MAP3K10: variants seen among roughly 807,000 people sequenced by gnomAD.
The protein encoded by MAP3K10 is MKN28 derived nonreceptor_type serine/threonine kinase.
MAP3K10 carries 22 observed loss-of-function variants against 75.0 expected under a neutral mutation model. The ratio of observed to expected loss-of-function variants is 0.29; its 90% confidence interval spans 0.21 to 0.42. The LOEUF (loss-of-function observed/expected upper bound fraction) is 0.42. Among genes scored for constraint, MAP3K10 ranks in the 10% least tolerant of loss-of-function variants. The pLI, the probability that MAP3K10 is intolerant of heterozygous loss-of-function variation, is 1.00. For synonymous variants in MAP3K10, 599 were observed against 612.9 expected (o/e 0.98, Z 0.34); for missense variants, 1,165 against 1,379.8 (o/e 0.84, Z 2.47).
chr19:40,193,332 C>T (rs1343254544), intron 1 of MAP3K10, among the ~76,000 whole-genome samples: 1 of 152,226 alleles, frequency 6.6e-6, no homozygotes, highest in Non-Finnish European at 1.5e-5. Context: ...ATAGGCCGAG[C>T]TGGCCAAGGC....
chr19:40,205,018 G>T lies in MAP3K10; in HGVS notation c.1013-103G>T. The T allele has an allele frequency of 4.7e-6, 5 of 1,054,190 alleles. No individual in the cohort carries two copies. The highest frequency in any genetic ancestry group is 7.2e-6 in the Non-Finnish European group (5 of 693,456). The allele number at this position is 1,054,190 out of a possible 1,614,324, so 65.3% of individuals were successfully genotyped here. On this transcript the variant is annotated intron_variant, in intron 3 of 9. Transcript: ENST00000253055. The surrounding 1 kb of genome is among the most constrained non-coding windows in gnomAD (Gnocchi z 4.3). ...TCAGCTCCATAGCAGCTGTTTGTCT[G>T]CCATCCCCAGAAATTCTGCCTTCCT...
Position 40,214,035 on chromosome 19 carries a change from A to ACGCCCT in MAP3K10, c.2362_2367dup (p.Pro789_Ser790dup). On this transcript the variant is annotated inframe_insertion, in exon 9 of 10. Coordinates refer to ENST00000253055, the MANE Select transcript of MAP3K10 (RefSeq NM_002446.4). ...ACCCTCCCCGCCCGCGCCCACACCC[A>ACGCCCT]CGCCCTCGCCCAGCACCAACCCCCT... 9.9e-7 allele frequency: 1 copy of ACGCCCT among 1,011,186 alleles called. No homozygotes were observed. Among genetic ancestry groups the ACGCCCT allele is most frequent in the South Asian group, 1.8e-5 (1 of 55,916 alleles). The allele number at this position is 1,011,186 out of a possible 1,614,324, so 62.6% of individuals were successfully genotyped here.
chr19:40,205,238 A>C lies in MAP3K10; in HGVS notation c.1130A>C (p.Gln377Pro). The C allele has an allele frequency of 6.2e-7, 1 of 1,614,132 alleles. No homozygotes were observed. The highest frequency in any genetic ancestry group is 8.5e-7 in the Non-Finnish European group (1 of 1,180,014). Residue 377 changes from glutamine (Q) to proline (P), a missense_variant, in exon 4 of 10, where the codon CAG becomes CCG. Gln to Pro is a moderately conservative substitution (Grantham distance 76, BLOSUM62 -1). Around this residue, in one of 2 missense-constraint regions of MAP3K10, gnomAD observed 575 missense variants for 793.2 expected, o/e 0.72. Coordinates refer to ENST00000253055, the MANE Select transcript of MAP3K10 (RefSeq NM_002446.4). The surrounding 1 kb of genome is among the most constrained non-coding windows in gnomAD (Gnocchi z 4.3). ...CCACTGGAGTCCTTCCACTCGCTGC[A>C]GGAAGACTGGAAGCTGGAGATTCAG... ...QMPLESFHSLQEDWKLEIQHM... is the reference protein window; with the variant it reads ...QMPLESFHSLPEDWKLEIQHM...
At chr19:40,202,386 T>C (rs1160391992) in intron 2 of MAP3K10, among the ~76,000 whole-genome samples, 1 of 152,190 alleles carries the variant, frequency 6.6e-6, no homozygotes, top group Non-Finnish European at 1.5e-5. Flanking sequence ...CCTGTGCCTG[T>C]CTGCTGTGCT....
chr19:40,209,256 C>G (rs1326277934), intron 6 of MAP3K10, 37 bp downstream of exon 6: 1 of 1,538,310 alleles, frequency 6.5e-7, no homozygotes, highest in South Asian at 1.1e-5. Flanking sequence ...GTCAGTCAGT[C>G]AGTGAACAAA....
rs200643469 is a variant in MAP3K10, at chr19:40,215,206, G to A, written c.2779G>A (p.Val927Met). The A allele has an allele frequency of 2.0e-5, 32 of 1,578,984 alleles. No individual in the cohort carries two copies. Among genetic ancestry groups the A allele is most frequent in the Middle Eastern group, 1.7e-4 (1 of 6,050 alleles). Residue 927 changes from valine to methionine, a missense_variant, in exon 10 of 10, where the codon GTG (valine) becomes ATG (methionine). Physicochemically the swap from Val to Met is conservative, Grantham distance 21. Around this residue, in one of 2 missense-constraint regions of MAP3K10, gnomAD observed 590 missense variants for 586.6 expected, o/e 1.01. Coordinates refer to ENST00000253055, the MANE Select transcript of MAP3K10 (RefSeq NM_002446.4). ...TCCGGAGAGCCCTGGGCCCCCCAGC[G>A]TGCAGCCCACACTGCTGGACATGGA... ...DTPESPGPPS[V>M]QPTLLDMDME...
At position 40,215,493 on chromosome 19, in the gene MAP3K10, A is replaced by G; in HGVS notation, c.*201A>G. Reference sequence around the variant, plus strand: ...CCTGTGCCCACCCTGCACTGGGGGGAGGGTGGGCAGGGATACTCAGGGACA... The same window carrying G: ...CCTGTGCCCACCCTGCACTGGGGGGGGGGTGGGCAGGGATACTCAGGGACA... On this transcript the variant is annotated 3_prime_UTR_variant, in exon 10 of 10. Coordinates refer to ENST00000253055, the MANE Select transcript of MAP3K10 (RefSeq NM_002446.4). 1 of 486,586 alleles carries G rather than the reference A, an allele frequency of 2.1e-6. No homozygotes were observed. 30.1% of individuals were successfully genotyped at this position (486,586 alleles called of 1,614,324 possible).
Position 40,213,721 on chromosome 19 carries a change from TGCTGGGGGCTGTGG to T in MAP3K10, c.2045_2058del (p.Leu682ProfsTer14). ...CTGGCGCTGCTAGGCTGCGCCACGCTGCTGGGGGCTGTGGGCCTGGGCGCCGACGTGGCCGAGGC... is the reference window on the plus strand; with the variant it reads ...CTGGCGCTGCTAGGCTGCGCCACGCTGCCTGGGCGCCGACGTGGCCGAGGC... On this transcript the variant is annotated frameshift_variant, in exon 9 of 10. Coordinates refer to ENST00000253055, the MANE Select transcript of MAP3K10 (RefSeq NM_002446.4). LOFTEE classifies it high-confidence loss of function. This position sits in a 1 kb window ranked among gnomAD's most constrained non-coding sequence, Gnocchi z 5.7. The T allele has an allele frequency of 1.9e-6, 2 of 1,077,202 alleles. No homozygotes were observed. The highest frequency in any genetic ancestry group is 2.3e-6 in the Non-Finnish European group (2 of 888,060). 66.7% of individuals were successfully genotyped at this position (1,077,202 alleles called of 1,614,324 possible).
At position 40,192,691 on chromosome 19, in the gene MAP3K10, C is replaced by T; in HGVS notation, c.660C>T (p.His220=). Residue 220 remains histidine (H), a synonymous_variant, in exon 1 of 10, where the codon CAC becomes CAT. Transcript: ENST00000253055. This position sits in a 1 kb window ranked among gnomAD's most constrained non-coding sequence, Gnocchi z 7.1. ...LHNDAPVPII[H]RDLKSINILI... Reference sequence around the variant, plus strand: ...ATGATGCCCCTGTGCCCATCATCCACCGGGACCTCAAGTCCATCAACAGTA... The same window carrying T: ...ATGATGCCCCTGTGCCCATCATCCATCGGGACCTCAAGTCCATCAACAGTA... 1 of 1,544,984 alleles carries T rather than the reference C, an allele frequency of 6.5e-7. No individual in the cohort carries two copies. Among genetic ancestry groups the T allele is most frequent in the Non-Finnish European group, 8.7e-7 (1 of 1,144,686 alleles).
intron 1 of MAP3K10, among the ~76,000 whole-genome samples, chr19:40,197,239 G>A (rs1372281550): frequency 6.6e-6 from 1 of 152,148 alleles, no homozygotes; most frequent in Non-Finnish European, 1.5e-5. Flanking sequence ...CAAGGCCTGG[G>A]CTTGGAATTG....
chr19:40,197,723 G>A (rs895339858), intron 1 of MAP3K10, among the ~76,000 whole-genome samples: 5 of 152,180 alleles, frequency 3.3e-5, no homozygotes, highest in African/African-American at 4.8e-5. Context: ...GTGTGCCACG[G>A]GGGTGATAGA....
In MAP3K10 at chr19:40,213,661, C is replaced by G. The variant is rs1450194208; in HGVS notation, c.1982C>G (p.Ala661Gly). The G allele has an allele frequency of 8.8e-6, 11 of 1,245,014 alleles. No homozygotes were observed. The highest frequency in any genetic ancestry group is 1.1e-5 in the Non-Finnish European group (11 of 986,240). The allele number at this position is 1,245,014 out of a possible 1,614,324, so 77.1% of individuals were successfully genotyped here. A position where few individuals can be genotyped will look rare whatever the true frequency, so the allele number is the denominator to read the frequency against. The change falls in exon 9 of 10, where the codon GCT becomes GGT. Residue 661 changes from alanine to glycine, a missense_variant. Ala to Gly is a moderately conservative substitution (Grantham distance 60, BLOSUM62 0). Transcript: ENST00000253055. This position sits in a 1 kb window ranked among gnomAD's most constrained non-coding sequence, Gnocchi z 5.7. ...PWEPTPSAPP[A>G]RWGHGARRRC... ...GAGCCGACGCCGTCCGCGCCCCCCG[C>G]TCGGTGGGGACACGGCGCCCGGCGG...
At position 40,206,148 on chromosome 19, in the gene MAP3K10, C is replaced by A; in HGVS notation, c.1426C>A (p.Leu476Met). ...GCGGGAAGGCGGCAGCCACATCAGCCTGCCCTCTGGTACCCACCCGTGTCC... is the reference window on the plus strand; with the variant it reads ...GCGGGAAGGCGGCAGCCACATCAGCATGCCCTCTGGTACCCACCCGTGTCC... ...KLREGGSHIS[L>M]PSGFEHKITV... is the part of the protein sequence containing the mutation. The change falls in exon 5 of 10, where the codon CTG (leucine) becomes ATG (methionine). Residue 476 changes from leucine to methionine, a missense_variant. This residue lies in a region of MAP3K10 where 575 missense variants were observed against 793.2 expected (regional missense o/e 0.72). Coordinates refer to ENST00000253055, the MANE Select transcript of MAP3K10 (RefSeq NM_002446.4). The A allele has an allele frequency of 2.5e-6, 4 of 1,607,126 alleles. No homozygotes were observed. Among genetic ancestry groups the A allele is most frequent in the Non-Finnish European group, 3.4e-6 (4 of 1,175,136 alleles).
chr19:40,215,431 CACTTA>C lies in MAP3K10; in HGVS notation c.*145_*149del, dbSNP rs1246108789. 120 of 806,262 alleles carry C rather than the reference CACTTA, an allele frequency of 1.5e-4. No individual in the cohort carries two copies. The highest frequency in any genetic ancestry group is 5.9e-4 in the East Asian group (22 of 37,080). The allele number at this position is 806,262 out of a possible 1,614,324, so 49.9% of individuals were successfully genotyped here. On this transcript the variant is annotated 3_prime_UTR_variant, in exon 10 of 10. Transcript: ENST00000253055. ...ATTGGGGAAGGAGGGAGGGGGGGGA[CACTTA>C]ACTTATTCCTTTGTACCCCAGGGGG...
In MAP3K10 at chr19:40,204,609, G is replaced by A. The variant is rs761225315; in HGVS notation, c.988G>A (p.Glu330Lys). 19 of 1,612,444 alleles carry A rather than the reference G, an allele frequency of 1.2e-5. No homozygotes were observed. The highest frequency in any genetic ancestry group is 1.1e-5 in the South Asian group (1 of 90,850). ...GCTGCCCATTCCCTCCACGTGCCCCGAGCCCTTTGCCCGCCTCCTGGAGGG... is the reference window on the plus strand; with the variant it reads ...GCTGCCCATTCCCTCCACGTGCCCCAAGCCCTTTGCCCGCCTCCTGGAGGG... ...LTLPIPSTCPEPFARLLEECW... is the reference protein window; with the variant it reads ...LTLPIPSTCPKPFARLLEECW... Residue 330 changes from glutamate to lysine, a missense_variant, in exon 3 of 10, where the codon GAG (glutamate) becomes AAG (lysine). Glu to Lys is a moderately conservative substitution (Grantham distance 56, BLOSUM62 1). Around this residue, in one of 2 missense-constraint regions of MAP3K10, gnomAD observed 575 missense variants for 793.2 expected, o/e 0.72. Coordinates refer to ENST00000253055, the MANE Select transcript of MAP3K10 (RefSeq NM_002446.4). The surrounding 1 kb of genome is among the most constrained non-coding windows in gnomAD (Gnocchi z 4.3).
At chr19:40,209,489 T>C (rs571643563) in intron 6 of MAP3K10, among the ~76,000 whole-genome samples, 1 of 151,844 alleles carries the variant, frequency 6.6e-6, no homozygotes, top group Admixed American at 6.6e-5. Flanking sequence ...CTTAGCTCAC[T>C]GCAACCTCCG....
At position 40,214,844 on chromosome 19, in the gene MAP3K10, G is replaced by T. The variant is rs571859316; in HGVS notation, c.2543-126G>T. The T allele has an allele frequency of 9.8e-6, 6 of 613,080 alleles. No homozygotes were observed. The African/African-American group carries it at 1.1e-4, about 11-fold the overall frequency. 38.0% of individuals were successfully genotyped at this position (613,080 alleles called of 1,614,324 possible). Reference sequence around the variant, plus strand: ...ACTGCCACACTACAGATGGAAACTGGATGCAGCAAGATCCACGGATTTCTC... The same window carrying T: ...ACTGCCACACTACAGATGGAAACTGTATGCAGCAAGATCCACGGATTTCTC... On this transcript the variant is annotated intron_variant, in intron 9 of 9. Transcript: ENST00000253055.
chr19:40,192,266 G>C lies in MAP3K10; in HGVS notation c.235G>C (p.Gly79Arg), dbSNP rs1234335822. The C allele has an allele frequency of 6.2e-7, 1 of 1,602,300 alleles. No homozygotes were observed. The highest frequency in any genetic ancestry group is 1.7e-5 in the Admixed American group (1 of 58,710). Reference protein sequence around the residue: ...GVFPSNYVAPGAPAAPAGLQL... With the variant: ...GVFPSNYVAPRAPAAPAGLQL... Reference sequence around the variant, plus strand: ...CTTCCCCAGCAACTACGTGGCCCCCGGCGCCCCCGCTGCACCCGCGGGCCT... The same window carrying C: ...CTTCCCCAGCAACTACGTGGCCCCCCGCGCCCCCGCTGCACCCGCGGGCCT... Residue 79 changes from glycine (G) to arginine (R), a missense_variant, in exon 1 of 10, where the codon GGC becomes CGC. This residue lies in a region of MAP3K10 where 575 missense variants were observed against 793.2 expected (regional missense o/e 0.72). Transcript: ENST00000253055. This position sits in a 1 kb window ranked among gnomAD's most constrained non-coding sequence, Gnocchi z 7.1.
Position 40,204,523 on chromosome 19 carries a change from TC to T in MAP3K10, c.906del (p.Tyr303ThrfsTer15). The T allele has an allele frequency of 6.2e-7, 1 of 1,612,922 alleles. No individual in the cohort carries two copies. The highest frequency in any genetic ancestry group is 8.5e-7 in the Non-Finnish European group (1 of 1,179,680). On this transcript the variant is annotated frameshift_variant, in exon 3 of 10. Coordinates refer to ENST00000253055, the MANE Select transcript of MAP3K10 (RefSeq NM_002446.4). LOFTEE classifies it high-confidence loss of function. The surrounding 1 kb of genome is among the most constrained non-coding windows in gnomAD (Gnocchi z 4.3). ...CTGTGGGAGCTGCTGACGGGGGAGG[TC>T]CCCTACCGTGAGATCGACGCCTTGG... The part of the protein sequence containing the change: ...VLLWELLTGE[V>X]PYREIDALAV...
Sources: gnomAD v4.1 joint callset for allele counts (sites outside exome capture counted in the v4.1 genomes callset) on GRCh38, gnomAD v4.1.1 for gene constraint, gnomAD v4.1.1 regional missense constraint, Gnocchi (gnomAD v3.1) non-coding constraint, MANE v1.5 for transcripts, NCBI Gene and HGNC (gene_info 2026-07-23, HGNC 2026-07-21) for gene names.